FIG4: variants seen among roughly 807,000 people sequenced by gnomAD.
The protein encoded by FIG4 is FIG4 phosphoinositide 5-phosphatase.
FIG4 carries 112 observed loss-of-function variants against 118.6 expected under a neutral mutation model. The observed-to-expected ratio is 0.94, with a 90% CI of 0.81 to 1.11. The LOEUF is 1.11. FIG4 is among the 50% of genes least tolerant of loss of function. The pLI is 0.00. For missense variants in FIG4, 969 were observed against 1,111.7 expected, an observed-to-expected ratio of 0.87 and a Z score of 1.83; for synonymous variants, 369 against 381.2, an observed-to-expected ratio of 0.97 and a Z score of 0.37.
At chr6:109,743,875 G>A in intron 10 of FIG4, 103 bp downstream of exon 10, 2 of 837,600 alleles carry the variant, frequency 2.4e-6, no homozygotes, top group Non-Finnish European at 4.1e-6. Flanking sequence ...TCTTCCTAGT[G>A]GAGAGACGTG....
intron 22 of FIG4, among the ~76,000 whole-genome samples, chr6:109,821,652 A>G (rs1583780992): frequency 6.6e-6 from 1 of 152,306 alleles, no homozygotes; most frequent in South Asian, 2.1e-4. Flanking sequence ...TAAAAAAGAT[A>G]AGCAACCAGA....
chr6:109,738,314 T>G lies in FIG4; in HGVS notation c.647-11T>G, dbSNP rs1484143819. The G allele has an allele frequency of 6.3e-7, 1 of 1,599,706 alleles. No homozygotes were observed. On this transcript the variant is annotated splice_polypyrimidine_tract_variant and intron_variant, in intron 6 of 22. Coordinates refer to ENST00000230124, the MANE Select transcript of FIG4 (RefSeq NM_014845.6). Reference sequence around the variant, plus strand: ...TGTATTTATGGACTGATACAGACTTTTATTTTTCAGGGGTATTTGGGATCT... The same window carrying G: ...TGTATTTATGGACTGATACAGACTTGTATTTTTCAGGGGTATTTGGGATCT...
intron 10 of FIG4, among the ~76,000 whole-genome samples, chr6:109,752,203 G>A (rs1007516077): frequency 6.6e-6 from 1 of 151,842 alleles, no homozygotes; most frequent in Admixed American, 6.6e-5. Context: ...ATTCCATGGT[G>A]TATATGTGCC....
chr6:109,798,120 A>G (rs748351586), intron 22 of FIG4, among the ~76,000 whole-genome samples: 4 of 152,206 alleles, frequency 2.6e-5, no homozygotes, highest in Non-Finnish European at 4.4e-5. Context: ...GATGGCTCAC[A>G]GTAATTACTA....
At chr6:109,782,487 A>T (rs1777835311) in intron 16 of FIG4, among the ~76,000 whole-genome samples, 1 of 152,242 alleles carries the variant, frequency 6.6e-6, no homozygotes, top group South Asian at 2.1e-4. Context: ...GTCTTAAATC[A>T]TGAATACATG....
At chr6:109,708,692 T>C (rs996309920) in intron 1 of FIG4, among the ~76,000 whole-genome samples, 1 of 152,228 alleles carries the variant, frequency 6.6e-6, no homozygotes, top group African/African-American at 2.4e-5. Flanking sequence ...TTCATTTTGG[T>C]TTTGATTTGC....
chr6:109,727,296 T>C, intron 4 of FIG4, 31 bp downstream of exon 4: 1 of 1,585,394 alleles, frequency 6.3e-7, no homozygotes, highest in Non-Finnish European at 8.7e-7. Flanking sequence ...CTTTTTTTTT[T>C]TGGAGACAAG....
At position 109,785,060 on chromosome 6, in the gene FIG4, C is replaced by T. The variant is rs952304974; in HGVS notation, c.1948+32C>T. ...AACTGTTTGTGTTTTAGTTTTTACA[C>T]TAACATATTTTGGCATTATACCTTA... On this transcript the variant is annotated intron_variant, in intron 17 of 22. Transcript: ENST00000230124. 1.3e-5 allele frequency: 17 copies of T among 1,290,168 alleles called. No individual in the cohort carries two copies. The Middle Eastern group carries it at 7.2e-4, about 55-fold the overall frequency. 79.9% of individuals were successfully genotyped at this position (1,290,168 alleles called of 1,614,324 possible). A position where few individuals can be genotyped will look rare whatever the true frequency, so the allele number is the denominator to read the frequency against.
At chr6:109,778,706 C>T (rs1777697692) in intron 16 of FIG4, among the ~76,000 whole-genome samples, 1 of 152,062 alleles carries the variant, frequency 6.6e-6, no homozygotes, top group Admixed American at 6.5e-5. Flanking sequence ...TCACGCCATT[C>T]TCCTGCCTCG....
intron 3 of FIG4, among the ~76,000 whole-genome samples, chr6:109,726,800 T>C (rs1248335351): frequency 6.6e-6 from 1 of 152,206 alleles, no homozygotes; most frequent in African/African-American, 2.4e-5. Context: ...TGGTTTGTAG[T>C]TCTCCTTTAA....
chr6:109,735,319 TA>T, intron 6 of FIG4, 21 bp downstream of exon 6: 1 of 1,581,780 alleles, frequency 6.3e-7, no homozygotes, highest in Non-Finnish European at 8.7e-7. Flanking sequence ...TTGATATATC[TA>T]ATGTATATTA....
intron 15 of FIG4, among the ~76,000 whole-genome samples, chr6:109,768,346 G>C (rs1777346033): frequency 6.6e-6 from 1 of 152,174 alleles, no homozygotes; most frequent in Non-Finnish European, 1.5e-5. Context: ...GAAGCATCTG[G>C]GAAAGCATCC....
At chr6:109,802,731 A>C (rs78551600) in intron 22 of FIG4, among the ~76,000 whole-genome samples, 7,968 of 152,240 alleles carry the variant, frequency 0.052, 384 homozygotes, top group East Asian at 0.18. Context: ...GGATAATTAG[A>C]AAAAGAGAAG....
intron 10 of FIG4, among the ~76,000 whole-genome samples, chr6:109,752,643 A>C (rs1776746099): frequency 1.3e-5 from 2 of 152,142 alleles, no homozygotes; most frequent in Admixed American, 1.3e-4. Context: ...TCTTCTTTTG[A>C]GAAGTGTCTG....
rs1777909965 is a variant in FIG4 at position 109,784,968 on chromosome 6, A to G, written c.1890-2A>G. 6.7e-7 allele frequency: 1 copy of G among 1,486,980 alleles called. No individual in the cohort carries two copies. Among genetic ancestry groups the G allele is most frequent in the South Asian group, 1.2e-5 (1 of 83,788 alleles). 92.1% of individuals were successfully genotyped at this position (1,486,980 alleles called of 1,614,324 possible). On this transcript the variant is annotated splice_acceptor_variant, in intron 16 of 22. Coordinates refer to ENST00000230124, the MANE Select transcript of FIG4 (RefSeq NM_014845.6). LOFTEE classifies it high-confidence loss of function. ...TCTTTTTTTTTAATTTTTATTTTAT[A>G]GTTATACTTACTGGTGGACACCAGA...
At chr6:109,717,433 G>A (rs1461005409) in intron 3 of FIG4, among the ~76,000 whole-genome samples, 1 of 152,158 alleles carries the variant, frequency 6.6e-6, no homozygotes, top group Admixed American at 6.5e-5. Context: ...CCCTCCTTGT[G>A]GTGAATCAAT....
At chr6:109,691,991 C>T (rs1774459912) in intron 1 of FIG4, among the ~76,000 whole-genome samples, 2 of 151,824 alleles carry the variant, frequency 1.3e-5, no homozygotes, top group African/African-American at 4.8e-5. Context: ...CTCTTTTTTT[C>T]TTATTTGAAA....
At chr6:109,815,020 C>A (rs969606674) in intron 22 of FIG4, among the ~76,000 whole-genome samples, 2 of 151,544 alleles carry the variant, frequency 1.3e-5, no homozygotes, top group Non-Finnish European at 2.9e-5. Flanking sequence ...TATATTATAT[C>A]AAATATTTTT....
rs75969705 is a variant in FIG4 at position 109,693,492 on chromosome 6, C to G, written c.66+1991C>G. 3.0e-3 allele frequency among the ~76,000 whole-genome samples: 454 copies of G among 152,300 alleles called. 2 individuals are homozygous for G. The highest frequency in any genetic ancestry group is 0.011 in the African/African-American group (438 of 41,554). The stretch of plus-strand genomic sequence containing the variant: ...TCCAGAACTCAGCTGTGACCCCTCT[C>G]AACTGCCTAAGTAATGGAAACTAAC... On this transcript the variant is annotated intron_variant, in intron 1 of 22. Coordinates refer to ENST00000230124, the MANE Select transcript of FIG4 (RefSeq NM_014845.6).
Sources: allele counts gnomAD v4.1 joint callset (sites outside exome capture counted in the v4.1 genomes callset), GRCh38; gene constraint gnomAD v4.1.1; transcripts MANE v1.5; gene names NCBI Gene and HGNC (gene_info 2026-07-23, HGNC 2026-07-21).